The following NXNL2 variants were observed in gnomAD, a reference collection of about 807,000 sequenced individuals.
NXNL2 encodes nucleoredoxin like 2.
NXNL2 carries 7 observed loss-of-function variants against 11.1 expected under a neutral mutation model. That is an observed-to-expected ratio of 0.63 (90% CI 0.36 to 1.18). The LOEUF (loss-of-function observed/expected upper bound fraction) is 1.18. Among genes scored for constraint, NXNL2 ranks in the 50% most tolerant of loss-of-function variants. The pLI is 0.02. For missense variants in NXNL2, 233 were observed against 217.7 expected (o/e 1.07, Z -0.44); for synonymous variants, 109 against 101.8 (o/e 1.07, Z -0.42).
At chr9:88,573,414 G>A (rs762298995) in intron 2 of NXNL2, among the ~76,000 whole-genome samples, 3 of 152,196 alleles carry the variant, frequency 2.0e-5, no homozygotes, top group African/African-American at 4.8e-5. Flanking sequence ...AAAGTGCTGC[G>A]ATTACACGCA....
At chr9:88,559,420 C>A (rs1033571234) in intron 1 of NXNL2, among the ~76,000 whole-genome samples, 2 of 152,182 alleles carry the variant, frequency 1.3e-5, no homozygotes, top group African/African-American at 4.8e-5. Context: ...CAGAGCTTTG[C>A]CCCCTACAAG....
chr9:88,583,538 AC>A (rs959776715), intron 1 of NXNL2, among the ~76,000 whole-genome samples: 2 of 151,980 alleles, frequency 1.3e-5, no homozygotes, highest in African/African-American at 4.8e-5. Context: ...CTACACAGAC[AC>A]CCCCGCTTTG....
chr9:88,551,556 G>C (rs1397814120), intron 1 of NXNL2, among the ~76,000 whole-genome samples: 1 of 151,992 alleles, frequency 6.6e-6, no homozygotes, highest in Non-Finnish European at 1.5e-5. Context: ...CATGAAAGCA[G>C]TATCTCCTCA....
intron 1 of NXNL2, among the ~76,000 whole-genome samples, chr9:88,551,657 CT>C (rs1293444452): frequency 3.3e-5 from 5 of 152,194 alleles, no homozygotes; most frequent in Admixed American, 6.5e-5. Context: ...TCCCCTTCCC[CT>C]GTTGCTTCTC....
chr9:88,571,267 C>A, intron 2 of NXNL2: 2 of 256,802 alleles, frequency 7.8e-6, no homozygotes, highest in Non-Finnish European at 7.7e-6. Flanking sequence ...CAGGGTTTCA[C>A]CATGTTGTCC....
downstream of NXNL2, among the ~76,000 whole-genome samples, chr9:88,578,572 T>C (rs1336976190): frequency 1.3e-5 from 2 of 152,252 alleles, no homozygotes; most frequent in East Asian, 3.8e-4. Flanking sequence ...TGTATTTTCT[T>C]TTCCCTCCGG....
intron 1 of NXNL2, among the ~76,000 whole-genome samples, chr9:88,540,105 G>A (rs1275728409): frequency 2.0e-5 from 3 of 151,978 alleles, no homozygotes; most frequent in Non-Finnish European, 4.4e-5. Context: ...GGCCGAGGCG[G>A]GTGGATCACA....
chr9:88,562,980 C>A (rs561910197), intron 1 of NXNL2, among the ~76,000 whole-genome samples: 1 of 148,630 alleles, frequency 6.7e-6, no homozygotes, highest in African/African-American at 2.5e-5. Flanking sequence ...CCCAGCTACT[C>A]GGGAGGCTGA....
intron 1 of NXNL2, among the ~76,000 whole-genome samples, chr9:88,563,257 C>T (rs1830111720): frequency 6.6e-6 from 1 of 152,226 alleles, no homozygotes; most frequent in Non-Finnish European, 1.5e-5. Context: ...TGTGTGTACA[C>T]ACACACGTGT....
chr9:88,542,852 T>C (rs1587842388), intron 1 of NXNL2, among the ~76,000 whole-genome samples: 1 of 152,126 alleles, frequency 6.6e-6, no homozygotes, highest in African/African-American at 2.4e-5. Flanking sequence ...TTGAGGGACG[T>C]GTCAAAGGGG....
In NXNL2 at chr9:88,552,704, C is replaced by T. The variant is rs180900724; in HGVS notation, c.302+16968C>T. Reference sequence around the variant, plus strand: ...CAGGATGGTCTCAATCTCCTGACCTCGTGATCCGCCCACCTCAGCCTCCCA... The same window carrying T: ...CAGGATGGTCTCAATCTCCTGACCTTGTGATCCGCCCACCTCAGCCTCCCA... On this transcript the variant is annotated intron_variant, in intron 1 of 2. Transcript: ENST00000375855. Among the ~76,000 whole-genome samples, 22 of 152,210 alleles carry T rather than the reference C, an allele frequency of 1.4e-4. No homozygotes were observed. In the East Asian group the frequency reaches 3.9e-3, roughly 27 times the overall value.
chr9:88,548,666 G>C (rs927336205), downstream of NXNL2, among the ~76,000 whole-genome samples: 6 of 135,410 alleles, frequency 4.4e-5, no homozygotes, highest in African/African-American at 1.5e-4. Flanking sequence ...CTGGGTAACA[G>C]AGCAAGACTC....
At chr9:88,563,322 G>T (rs1048065093) in intron 1 of NXNL2, among the ~76,000 whole-genome samples, 1 of 152,132 alleles carries the variant, frequency 6.6e-6, no homozygotes, top group Non-Finnish European at 1.5e-5. Flanking sequence ...TTCTCATGTC[G>T]CAGCATCTGT....
chr9:88,549,834 C>G (rs886737453), downstream of NXNL2, among the ~76,000 whole-genome samples: 8 of 152,030 alleles, frequency 5.3e-5, no homozygotes, highest in Non-Finnish European at 7.4e-5. Flanking sequence ...GTGCCACACA[C>G]TTTTTTTGTT....
In NXNL2 at chr9:88,544,300, C is replaced by T. The variant is rs1350899234; in HGVS notation, c.303-79C>T. ...GGCTTCCTCCAAGTTGGCTGTACCT[C>T]AGGCTGGAGGGAGGGGGCGTGTCCC... On this transcript the variant is annotated intron_variant, in intron 1 of 1. Transcript: ENST00000375854. 3.7e-6 allele frequency: 5 copies of T among 1,335,972 alleles called. No homozygotes were observed. In the East Asian group the frequency reaches 1.3e-4, roughly 36 times the overall value. 82.8% of individuals were successfully genotyped at this position (1,335,972 alleles called of 1,614,324 possible).
At chr9:88,577,297 G>GGGC (rs1830358892), downstream of NXNL2, among the ~76,000 whole-genome samples, 1 of 150,708 alleles carries the variant, frequency 6.6e-6, no homozygotes, top group Non-Finnish European at 1.5e-5. Flanking sequence ...GTTTGTGACT[G>GGGC]GGCGGGGGGG....
intron 1 of NXNL2, among the ~76,000 whole-genome samples, chr9:88,554,068 A>G (rs999304548): frequency 6.6e-6 from 1 of 152,142 alleles, no homozygotes; most frequent in Non-Finnish European, 1.5e-5. Context: ...CATGAAACTC[A>G]TCGTTATAAT....
intron 1 of NXNL2, among the ~76,000 whole-genome samples, chr9:88,564,315 A>ATCTATCTC (rs1830136587): frequency 1.4e-5 from 2 of 147,900 alleles, no homozygotes; most frequent in Admixed American, 1.3e-4. Context: ...CTATCTATCT[A>ATCTATCTC]TCTATCTATC....
intron 1 of NXNL2, among the ~76,000 whole-genome samples, chr9:88,552,395 A>G (rs1171131086): frequency 6.7e-6 from 1 of 150,340 alleles, no homozygotes; most frequent in Non-Finnish European, 1.5e-5. Flanking sequence ...TACAAGGAAG[A>G]CTCCTTTTAA....
Sources: allele counts gnomAD v4.1 joint callset (sites outside exome capture counted in the v4.1 genomes callset), GRCh38; gene constraint gnomAD v4.1.1; transcripts MANE v1.5; gene names NCBI Gene and HGNC (gene_info 2026-07-23, HGNC 2026-07-21).